Variants in ASTN2 observed in about 807,000 individuals in gnomAD.
ASTN2 encodes astrotactin 2.
A neutral mutation model predicts 139.8 loss-of-function variants in ASTN2; 54 were observed. That is an observed-to-expected ratio of 0.39 (90% CI 0.31 to 0.48). ASTN2 has a LOEUF of 0.48. Among genes scored for constraint, ASTN2 ranks in the 20% least tolerant of loss-of-function variants. The pLI is 0.95. For synonymous variants in ASTN2, 756 were observed against 719.5 expected (o/e 1.05, Z -0.81); for missense variants, 1,565 against 1,725.1 (o/e 0.91, Z 1.64).
intron 10 of ASTN2, among the ~76,000 whole-genome samples, chr9:116,899,712 C>G (rs1162254803): frequency 6.6e-6 from 1 of 152,112 alleles, no homozygotes; most frequent in African/African-American, 2.4e-5. Flanking sequence ...TGCTTGGAGA[C>G]CACACTGCCT....
At chr9:116,744,212 A>T (rs1176572733) in intron 13 of ASTN2, among the ~76,000 whole-genome samples, 1 of 152,186 alleles carries the variant, frequency 6.6e-6, no homozygotes, top group East Asian at 1.9e-4. Context: ...GATAAAACAC[A>T]TGGCATGTTC....
chr9:116,462,941 T>C (rs1352140788), intron 20 of ASTN2, among the ~76,000 whole-genome samples: 1 of 152,064 alleles, frequency 6.6e-6, no homozygotes, highest in African/African-American at 2.4e-5. Flanking sequence ...CTTAATCTCC[T>C]GCCTTCACAC....
chr9:117,334,923 C>T (rs1277140919), intron 1 of ASTN2, among the ~76,000 whole-genome samples: 1 of 152,066 alleles, frequency 6.6e-6, no homozygotes, highest in South Asian at 2.1e-4. Flanking sequence ...GGCGTGGTGG[C>T]CTGTGCCTGT....
intron 7 of ASTN2, among the ~76,000 whole-genome samples, chr9:117,006,533 A>G (rs1165110943): frequency 2.6e-5 from 4 of 152,154 alleles, no homozygotes; most frequent in African/African-American, 7.2e-5. Flanking sequence ...GGTCCAAGCC[A>G]CTACCAACTC....
At chr9:116,429,379 C>T (rs773953672) in intron 22 of ASTN2, among the ~76,000 whole-genome samples, 4 of 147,642 alleles carry the variant, frequency 2.7e-5, no homozygotes, top group Non-Finnish European at 5.9e-5. Flanking sequence ...GTGGAGTGCA[C>T]ACTCAGGTGT....
intron 11 of ASTN2, among the ~76,000 whole-genome samples, chr9:116,852,771 AAG>A (rs1832643875): frequency 6.6e-6 from 1 of 152,048 alleles, no homozygotes. Context: ...TCCTGGGTGG[AAG>A]AGAGTCCTAC....
chr9:116,896,702 T>C (rs111749518), intron 10 of ASTN2, among the ~76,000 whole-genome samples: 5,224 of 152,204 alleles, frequency 0.034, 273 homozygotes, highest in African/African-American at 0.11. Flanking sequence ...CTTACAATCA[T>C]GGCAGAAGGG....
chr9:117,019,189 A>C (rs1326968723), intron 6 of ASTN2, among the ~76,000 whole-genome samples: 1 of 151,776 alleles, frequency 6.6e-6, no homozygotes, highest in Non-Finnish European at 1.5e-5. Flanking sequence ...GGAGAAAAAA[A>C]AACAAAGAAG....
chr9:116,987,381 G>A (rs771740304), intron 7 of ASTN2, among the ~76,000 whole-genome samples: 4 of 152,222 alleles, frequency 2.6e-5, no homozygotes, highest in African/African-American at 7.2e-5. Flanking sequence ...GCTGCTGAGA[G>A]GCTGCCAGCC....
chr9:116,917,770 T>C (rs1834492119), intron 10 of ASTN2, among the ~76,000 whole-genome samples: 1 of 152,196 alleles, frequency 6.6e-6, no homozygotes, highest in Admixed American at 6.5e-5. Context: ...TTTGTAAAAT[T>C]ATTCTGAGCA....
chr9:116,486,697 T>C (rs2119079969), intron 20 of ASTN2, among the ~76,000 whole-genome samples: 1 of 152,234 alleles, frequency 6.6e-6, no homozygotes, highest in Non-Finnish European at 1.5e-5. Context: ...TGCATCTAGA[T>C]CTAAAAACAA....
intron 20 of ASTN2, among the ~76,000 whole-genome samples, chr9:116,472,716 C>T (rs930852735): frequency 1.3e-5 from 2 of 150,294 alleles, no homozygotes; most frequent in African/African-American, 2.5e-5. Context: ...CCAGCCTGGC[C>T]GACATAGCAA....
chr9:117,242,997 A>G (rs939713144), intron 2 of ASTN2, among the ~76,000 whole-genome samples: 3 of 152,250 alleles, frequency 2.0e-5, no homozygotes, highest in African/African-American at 7.2e-5. Context: ...CATCATCATC[A>G]TCACCATAAT....
chr9:117,056,970 T>G (rs1271417545), intron 5 of ASTN2, among the ~76,000 whole-genome samples: 4 of 152,190 alleles, frequency 2.6e-5, no homozygotes, highest in African/African-American at 9.6e-5. Context: ...ACTAATAAAA[T>G]ATTGACTTCA....
At chr9:116,547,552 G>A (rs1236053588) in intron 19 of ASTN2, 1 of 152,218 alleles carries the variant, frequency 6.6e-6, no homozygotes, top group Non-Finnish European at 1.5e-5. Context: ...TGTACCTGCG[G>A]TGGTGGACTT....
intron 1 of ASTN2, among the ~76,000 whole-genome samples, chr9:117,314,084 G>A (rs952068713): frequency 1.3e-5 from 2 of 152,140 alleles, no homozygotes; most frequent in African/African-American, 4.8e-5. Context: ...GATTCCTTAA[G>A]GCTTAAATCC....
At chr9:117,241,284 C>G (rs910523820) in intron 2 of ASTN2, among the ~76,000 whole-genome samples, 22 of 152,148 alleles carry the variant, frequency 1.4e-4, no homozygotes, top group African/African-American at 5.3e-4. Context: ...CAACTGCACT[C>G]CTGAAAACCA....
In ASTN2 at chr9:116,704,212, C is replaced by CA. The variant is rs141970943; in HGVS notation, c.2806+21558dup. ...TTAAATAAGGGTGTTGGTATGTCAC[C>CA]AAAATCCCTTCTAGCTCTAAGATTT... is the stretch of plus-strand genomic sequence containing the variant. On this transcript the variant is annotated intron_variant, in intron 16 of 22. Coordinates refer to ENST00000313400, the MANE Select transcript of ASTN2 (RefSeq NM_001365068.1). Among the ~76,000 whole-genome samples, 1,476 of 152,272 alleles carry CA rather than the reference C, an allele frequency of 9.7e-3. 20 individuals carry two copies. Among genetic ancestry groups the CA allele is most frequent in the African/African-American group, 0.031 (1,299 of 41,534 alleles).
At chr9:116,569,733 T>C (rs944652094) in intron 19 of ASTN2, among the ~76,000 whole-genome samples, 1 of 152,174 alleles carries the variant, frequency 6.6e-6, no homozygotes, top group African/African-American at 2.4e-5. Context: ...TGCGTGATGA[T>C]GGAGCCGAGA....
Sources: allele counts gnomAD v4.1 joint callset (sites outside exome capture counted in the v4.1 genomes callset), GRCh38; gene constraint gnomAD v4.1.1; transcripts MANE v1.5; gene names NCBI Gene and HGNC (gene_info 2026-07-23, HGNC 2026-07-21).